Variants in RNF13 observed in about 807,000 individuals in gnomAD.
The protein encoded by RNF13 is E3 ubiquitin-protein ligase RNF13.
In RNF13, 19 loss-of-function variants were observed where a neutral mutation model predicts 37.7. That is an observed-to-expected ratio of 0.50 (90% CI 0.35 to 0.74). The LOEUF is 0.74. Among genes scored for constraint, RNF13 ranks in the 30% least tolerant of loss-of-function variants. RNF13 has a pLI of 0.01. For synonymous variants in RNF13, 144 were observed against 157.8 expected (o/e 0.91, Z 0.65); for missense variants, 375 against 453.0 (o/e 0.83, Z 1.56).
intron 4 of RNF13, among the ~76,000 whole-genome samples, chr3:149,890,165 A>G (rs760256708): frequency 1.3e-5 from 2 of 152,234 alleles, no homozygotes; most frequent in Non-Finnish European, 2.9e-5. Flanking sequence ...ATGAAGTATA[A>G]GAGATAGTAT....
At chr3:149,906,329 TTTTA>T (rs56332999) in intron 6 of RNF13, among the ~76,000 whole-genome samples, 4,040 of 152,266 alleles carry the variant, frequency 0.027, 69 homozygotes, top group South Asian at 0.036. Flanking sequence ...GTGCATATGT[TTTTA>T]TTTCTCTTTG....
intron 8 of RNF13, among the ~76,000 whole-genome samples, chr3:149,930,980 G>A (rs1383754781): frequency 3.3e-5 from 5 of 151,826 alleles, no homozygotes; most frequent in African/African-American, 7.3e-5. Context: ...GCTAGATATC[G>A]ATTTCATTTA....
At chr3:149,825,849 A>T (rs1358024382) in intron 1 of RNF13, among the ~76,000 whole-genome samples, 1 of 152,216 alleles carries the variant, frequency 6.6e-6, no homozygotes, top group Non-Finnish European at 1.5e-5. Context: ...TGATATATTT[A>T]TATAATCATG....
intron 7 of RNF13, among the ~76,000 whole-genome samples, chr3:149,919,998 A>G (rs992461578): frequency 2.6e-5 from 4 of 152,214 alleles, no homozygotes; most frequent in Admixed American, 2.6e-4. Context: ...ATTGACTACT[A>G]GTAGACATTG....
At chr3:149,885,914 C>T (rs934149448) in intron 4 of RNF13, among the ~76,000 whole-genome samples, 4 of 152,100 alleles carry the variant, frequency 2.6e-5, no homozygotes, top group African/African-American at 9.6e-5. Context: ...TTTTATATGG[C>T]AAGAAATAGG....
At chr3:149,933,799 G>T (rs966067418) in intron 8 of RNF13, among the ~76,000 whole-genome samples, 5 of 152,082 alleles carry the variant, frequency 3.3e-5, no homozygotes, top group Middle Eastern at 3.4e-3. Flanking sequence ...GGACAGGCTG[G>T]TCTCGAACTC....
chr3:149,953,075 T>C (rs957605098), intron 8 of RNF13, among the ~76,000 whole-genome samples: 9 of 152,194 alleles, frequency 5.9e-5, no homozygotes, highest in Non-Finnish European at 1.3e-4. Context: ...AAGAGTAATA[T>C]ATAGAATGAC....
intron 8 of RNF13, among the ~76,000 whole-genome samples, chr3:149,922,301 T>TA (rs1479888812): frequency 1.3e-5 from 2 of 152,156 alleles, no homozygotes; most frequent in Admixed American, 6.5e-5. Flanking sequence ...ACTATACTCT[T>TA]ATACTACCTT....
At chr3:149,816,917 T>C (rs142776514) in intron 1 of RNF13, among the ~76,000 whole-genome samples, 1 of 152,308 alleles carries the variant, frequency 6.6e-6, no homozygotes, top group African/African-American at 2.4e-5. Context: ...TATAATGACA[T>C]TGACACTGGG....
rs577133188 is a variant in RNF13, at chr3:149,961,486, T to G, written c.*382T>G. 4 of 352,480 alleles carry G rather than the reference T, an allele frequency of 1.1e-5. No homozygotes were observed. The highest frequency in any genetic ancestry group is 4.0e-5 in the Admixed American group (1 of 24,704). The allele number at this position is 352,480 out of a possible 1,614,324, so 21.8% of individuals were successfully genotyped here. On this transcript the variant is annotated 3_prime_UTR_variant, in exon 10 of 10. Coordinates refer to ENST00000392894, the MANE Select transcript of RNF13 (RefSeq NM_183381.3). ...AGCATGAACTAACCCAGCTTCCACC[T>G]CCATAAAGTTACCTAGAGTTGTTGA...
intron 8 of RNF13, among the ~76,000 whole-genome samples, chr3:149,940,936 A>T (rs947869898): frequency 6.6e-6 from 1 of 152,158 alleles, no homozygotes; most frequent in African/African-American, 2.4e-5. Context: ...ATATGAGTGG[A>T]CTGATACAGT....
chr3:149,935,919 T>G (rs1719624292), intron 8 of RNF13, among the ~76,000 whole-genome samples: 1 of 152,198 alleles, frequency 6.6e-6, no homozygotes, highest in Non-Finnish European at 1.5e-5. Flanking sequence ...ACCTTTGACA[T>G]TTTTTATAAG....
intron 8 of RNF13, among the ~76,000 whole-genome samples, chr3:149,928,066 C>G (rs573517075): frequency 1.4e-5 from 2 of 141,220 alleles, no homozygotes; most frequent in Non-Finnish European, 3.0e-5. Flanking sequence ...AATGGAAAAG[C>G]ATCCCACATT....
intron 4 of RNF13, among the ~76,000 whole-genome samples, chr3:149,877,772 A>G (rs1712913955): frequency 6.6e-6 from 1 of 152,144 alleles, no homozygotes; most frequent in South Asian, 2.1e-4. Context: ...CTACTTCAGA[A>G]TCATGTTTAA....
intron 6 of RNF13, among the ~76,000 whole-genome samples, chr3:149,907,303 G>A (rs1716524650): frequency 6.6e-6 from 1 of 152,114 alleles, no homozygotes; most frequent in African/African-American, 2.4e-5. Flanking sequence ...AGTAGAGATA[G>A]GCATCTTTCC....
chr3:149,819,655 G>T (rs1477202890), intron 1 of RNF13, among the ~76,000 whole-genome samples: 1 of 152,156 alleles, frequency 6.6e-6, no homozygotes, highest in Non-Finnish European at 1.5e-5. Flanking sequence ...TGGTTACAGA[G>T]AAAAAGACTG....
chr3:149,959,935 C>G, intron 8 of RNF13, 121 bp from the exon 9 acceptor site: 1 of 631,014 alleles, frequency 1.6e-6, no homozygotes, highest in East Asian at 2.8e-5. Context: ...ATAAGCAGAT[C>G]CTTGAGTCCG....
At chr3:149,844,735 C>T (rs182484483) in intron 1 of RNF13, among the ~76,000 whole-genome samples, 78 of 152,078 alleles carry the variant, frequency 5.1e-4, no homozygotes, top group African/African-American at 1.9e-3. Context: ...ACTTAAGAAA[C>T]GAATGTCAAC....
chr3:149,913,786 G>T (rs1451707552), intron 7 of RNF13, among the ~76,000 whole-genome samples: 1 of 152,046 alleles, frequency 6.6e-6, no homozygotes, highest in Non-Finnish European at 1.5e-5. Context: ...CATATTTGAG[G>T]GTATATGGTA....
Sources: gnomAD v4.1 joint callset for allele counts (sites outside exome capture counted in the v4.1 genomes callset) on GRCh38, gnomAD v4.1.1 for gene constraint, MANE v1.5 for transcripts, NCBI Gene and HGNC (gene_info 2026-07-23, HGNC 2026-07-21) for gene names.